Variants in NEBL observed in about 807,000 individuals in gnomAD.
The protein encoded by NEBL is nebulette, also known as LIM and SH3 protein 2.
A neutral mutation model predicts 140.2 loss-of-function variants in NEBL; 122 were observed. That is an observed-to-expected ratio of 0.87 (90% CI 0.75 to 1.01). NEBL has a LOEUF of 1.01. Ranked by LOEUF, NEBL falls within the 50% of genes least tolerant of loss-of-function variation. The probability of loss-of-function intolerance (pLI) is 0.00; values close to 1 mark genes in which losing one functional copy is unlikely to be tolerated. For missense variants in NEBL, 1,365 were observed against 1,231.3 expected (o/e 1.11, Z -1.62); for synonymous variants, 436 against 398.9 (o/e 1.09, Z -1.11).
At chr10:21,165,544 C>T (rs1316826871) in intron 2 of NEBL, among the ~76,000 whole-genome samples, 1 of 152,212 alleles carries the variant, frequency 6.6e-6, no homozygotes, top group East Asian at 1.9e-4. Flanking sequence ...ACACAGTCCT[C>T]GCAGTCCCTG....
intron 3 of NEBL, among the ~76,000 whole-genome samples, chr10:21,193,525 G>A (rs1398082782): frequency 6.6e-6 from 1 of 152,144 alleles, no homozygotes; most frequent in Non-Finnish European, 1.5e-5. Flanking sequence ...ACTATTTCAA[G>A]CCAAGTCCTA....
At chr10:21,209,648 CT>C (rs780655295) in intron 3 of NEBL, among the ~76,000 whole-genome samples, 21,540 of 141,038 alleles carry the variant, frequency 0.15, 1,954 homozygotes, top group African/African-American at 0.27. Context: ...GGCACCTGAC[CT>C]TTTTTTTTTT....
At chr10:21,264,575 GA>G (rs896076255) in intron 1 of NEBL, among the ~76,000 whole-genome samples, 10 of 149,840 alleles carry the variant, frequency 6.7e-5, no homozygotes, top group East Asian at 2.0e-4. Context: ...TACAGGTGGG[GA>G]AAAAAAAAGA....
At chr10:20,933,745 A>G (rs193113693) in intron 4 of NEBL, among the ~76,000 whole-genome samples, 1 of 152,328 alleles carries the variant, frequency 6.6e-6, no homozygotes, top group South Asian at 2.1e-4. Context: ...TTCAAAAACA[A>G]AAAAAGAAAG....
intron 2 of NEBL, among the ~76,000 whole-genome samples, chr10:21,086,156 C>T (rs2131950781): frequency 6.6e-6 from 1 of 152,240 alleles, no homozygotes; most frequent in South Asian, 2.1e-4. Context: ...TCACAATTTC[C>T]ATAGGAATTA....
At chr10:21,074,885 C>G (rs1039032997) in intron 2 of NEBL, among the ~76,000 whole-genome samples, 30 of 152,096 alleles carry the variant, frequency 2.0e-4, no homozygotes, top group Non-Finnish European at 2.1e-4. Flanking sequence ...CTCACTGCAG[C>G]TTTGAACTCC....
intron 11 of NEBL, 140 bp from the exon 12 acceptor site, chr10:20,845,508 A>G: frequency 1.7e-6 from 1 of 604,006 alleles, no homozygotes; most frequent in Non-Finnish European, 2.9e-6. Flanking sequence ...TCAACAGGGA[A>G]ATAAGTTCAA....
In NEBL at chr10:20,859,838, G is replaced by T; in HGVS notation, c.685-12C>A. ...TCTTTGTATTTAATCTGTCATAAAA[G>T]AGAAATAGTACATGTAACTTTACAT... On this transcript the variant is annotated splice_polypyrimidine_tract_variant and intron_variant, in intron 7 of 27. Transcript: ENST00000377122. The T allele has an allele frequency of 8.2e-7, 1 of 1,225,552 alleles. No homozygotes were observed. The highest frequency in any genetic ancestry group is 2.1e-4 in the Middle Eastern group (1 of 4,660). 75.9% of individuals were successfully genotyped at this position (1,225,552 alleles called of 1,614,324 possible).
intron 3 of NEBL, among the ~76,000 whole-genome samples, chr10:21,001,386 C>T (rs189336836): frequency 1.2e-3 from 183 of 152,288 alleles, no homozygotes; most frequent in Middle Eastern, 3.4e-3. Flanking sequence ...AGCCAGAGTT[C>T]TTCCTATCAG....
intron 4 of NEBL, among the ~76,000 whole-genome samples, chr10:20,905,850 A>G (rs1564436397): frequency 6.6e-6 from 1 of 152,188 alleles, no homozygotes; most frequent in Non-Finnish European, 1.5e-5. Context: ...CATGACGGAA[A>G]TGTATAGAAA....
intron 1 of NEBL, among the ~76,000 whole-genome samples, chr10:21,265,639 G>C (rs1448003293): frequency 6.6e-6 from 1 of 152,196 alleles, no homozygotes; most frequent in Non-Finnish European, 1.5e-5. Flanking sequence ...TTATCAAAGT[G>C]GCCACTGTGG....
chr10:20,822,379 A>C (rs2130846509), intron 19 of NEBL, among the ~76,000 whole-genome samples: 1 of 151,974 alleles, frequency 6.6e-6, no homozygotes, highest in South Asian at 2.1e-4. Flanking sequence ...CTATAGATAG[A>C]TATCTATACC....
chr10:21,010,419 ATTTT>A (rs35635365), intron 3 of NEBL, among the ~76,000 whole-genome samples: 1 of 140,766 alleles, frequency 7.1e-6, no homozygotes, highest in African/African-American at 2.6e-5. Flanking sequence ...GAATTTTTTA[ATTTT>A]TTTTTTTTTT....
At chr10:21,066,714 T>C (rs1262878267) in intron 2 of NEBL, among the ~76,000 whole-genome samples, 2 of 152,226 alleles carry the variant, frequency 1.3e-5, no homozygotes, top group Non-Finnish European at 2.9e-5. Context: ...GAGAGAGCAA[T>C]GAGACATCCC....
chr10:20,902,310 G>A (rs1847907892), upstream of NEBL, among the ~76,000 whole-genome samples: 1 of 152,052 alleles, frequency 6.6e-6, no homozygotes. Context: ...GGAGGCTGAG[G>A]CAGGAGAATG....
intron 3 of NEBL, among the ~76,000 whole-genome samples, chr10:21,198,087 G>A (rs1425115058): frequency 6.6e-6 from 1 of 151,950 alleles, no homozygotes; most frequent in South Asian, 2.1e-4. Context: ...AAACAAACCT[G>A]TTGGTCATGT....
At chr10:20,979,826 C>T (rs1287622131) in intron 3 of NEBL, among the ~76,000 whole-genome samples, 2 of 152,056 alleles carry the variant, frequency 1.3e-5, no homozygotes, top group Admixed American at 6.5e-5. Context: ...CCTACCTCAG[C>T]CTCCTGAGTA....
chr10:21,175,405 C>T (rs1162668072), upstream of NEBL, among the ~76,000 whole-genome samples: 2 of 152,194 alleles, frequency 1.3e-5, no homozygotes, highest in Non-Finnish European at 2.9e-5. Flanking sequence ...TTGGTTATAA[C>T]AAAGAAGCGA....
chr10:20,938,314 T>C (rs1834627481), intron 4 of NEBL, among the ~76,000 whole-genome samples: 1 of 152,194 alleles, frequency 6.6e-6, no homozygotes, highest in Admixed American at 6.5e-5. Context: ...CCGCTGCTGA[T>C]ACCCAGGGAA....
Sources: allele counts gnomAD v4.1 joint callset (sites outside exome capture counted in the v4.1 genomes callset), GRCh38; gene constraint gnomAD v4.1.1; transcripts MANE v1.5; gene names NCBI Gene and HGNC (gene_info 2026-07-23, HGNC 2026-07-21).